PPP2R2C: variants seen among roughly 807,000 people sequenced by gnomAD.
The protein encoded by PPP2R2C is protein phosphatase 2 regulatory subunit Bgamma, also known as protein phosphatase 2, regulatory subunit B, gamma.
A neutral mutation model predicts 45.3 loss-of-function variants in PPP2R2C; 10 were observed. The observed-to-expected ratio is 0.22, with a 90% CI of 0.14 to 0.37. The LOEUF is 0.37. Among genes scored for constraint, PPP2R2C ranks in the 10% least tolerant of loss-of-function variants. The probability of loss-of-function intolerance (pLI) is 1.00; values close to 1 mark genes in which losing one functional copy is unlikely to be tolerated. For synonymous variants in PPP2R2C, 257 were observed against 245.4 expected (o/e 1.05, Z -0.44); for missense variants, 308 against 619.7 (o/e 0.50, Z 5.34).
chr4:6,521,591 G>A (rs1163835155), intron 2 of PPP2R2C, among the ~76,000 whole-genome samples: 1 of 152,140 alleles, frequency 6.6e-6, no homozygotes, highest in Non-Finnish European at 1.5e-5. Flanking sequence ...GTCGTCTCAG[G>A]AGCCCTAACC....
intron 1 of PPP2R2C, among the ~76,000 whole-genome samples, chr4:6,409,565 T>C (rs974067115): frequency 6.6e-6 from 1 of 152,162 alleles, no homozygotes; most frequent in African/African-American, 2.4e-5. Flanking sequence ...AGGCAGGCAC[T>C]GGGGACAGGT....
rs946967374 is a variant in PPP2R2C at position 6,563,309 on chromosome 4, G to T, written c.-59+251C>A. 6.6e-6 allele frequency among the ~76,000 whole-genome samples: 1 copy of T among 152,182 alleles called. No homozygotes were observed. Among genetic ancestry groups the T allele is most frequent in the Non-Finnish European group, 1.5e-5 (1 of 68,024 alleles). On this transcript the variant is annotated intron_variant, in intron 1 of 9. Transcript: ENST00000506140. The surrounding 1 kb of genome is among the most constrained non-coding windows in gnomAD (Gnocchi z 5.8). The stretch of plus-strand genomic sequence containing the variant: ...TCAAGACCCCGAGAGCACGCGCTCC[G>T]GAGGGACCCCGGCACTTCGGACCCT...
intron 1 of PPP2R2C, among the ~76,000 whole-genome samples, chr4:6,466,869 G>A (rs1045364774): frequency 2.0e-5 from 3 of 152,168 alleles, no homozygotes; most frequent in Non-Finnish European, 4.4e-5. Flanking sequence ...TTTAAGTTCG[G>A]GTTGATTAAA....
chr4:6,347,821 C>G (rs764209462), intron 6 of PPP2R2C, 25 bp downstream of exon 6: 1 of 1,584,834 alleles, frequency 6.3e-7, no homozygotes, highest in Admixed American at 1.8e-5. Context: ...TGCACAGCCC[C>G]CCACCCCCAG....
At chr4:6,482,603 T>G (rs1230183139) in intron 2 of PPP2R2C, among the ~76,000 whole-genome samples, 1 of 152,224 alleles carries the variant, frequency 6.6e-6, no homozygotes, top group Non-Finnish European at 1.5e-5. Context: ...GTCCAGCAAT[T>G]TTGTTGAACT....
At chr4:6,474,113 C>T (rs369273188), upstream of PPP2R2C, among the ~76,000 whole-genome samples, 947 of 129,456 alleles carry the variant, frequency 7.3e-3, 9 homozygotes, top group African/African-American at 0.027. Flanking sequence ...CTTTCTACCC[C>T]GTAGGAAAGT....
chr4:6,335,440 C>G (rs564606239), intron 6 of PPP2R2C, among the ~76,000 whole-genome samples: 5 of 152,148 alleles, frequency 3.3e-5, no homozygotes, highest in African/African-American at 1.2e-4. Context: ...CAGGGACACG[C>G]CAAGGGCCGT....
In PPP2R2C at chr4:6,478,534, G is replaced by A. The variant is rs1480818360; in HGVS notation, c.49+56737C>T. The stretch of plus-strand genomic sequence containing the variant: ...GAGTACAAATAACAGGGCCCTGTTC[G>A]ATGTGCTGAGTGAGTGAGAAACACG... On this transcript the variant is annotated intron_variant, in intron 2 of 9. Transcript: ENST00000506140. 2.0e-5 allele frequency among the ~76,000 whole-genome samples: 3 copies of A among 152,112 alleles called. No individual in the cohort carries two copies. In the East Asian group the frequency reaches 5.8e-4, roughly 29 times the overall value.
intron 1 of PPP2R2C, among the ~76,000 whole-genome samples, chr4:6,392,204 T>C (rs1040331631): frequency 1.3e-5 from 2 of 152,326 alleles, no homozygotes; most frequent in African/African-American, 4.8e-5. Flanking sequence ...TGGTAAATTC[T>C]ATGTCATGTA....
chr4:6,424,454 A>G (rs564525212), intron 1 of PPP2R2C, among the ~76,000 whole-genome samples: 1 of 152,328 alleles, frequency 6.6e-6, no homozygotes, highest in African/African-American at 2.4e-5. Flanking sequence ...GCCACCGGAC[A>G]CTGCTGAGCC....
At chr4:6,505,796 T>C (rs1723207277) in intron 2 of PPP2R2C, among the ~76,000 whole-genome samples, 1 of 152,078 alleles carries the variant, frequency 6.6e-6, no homozygotes, top group Non-Finnish European at 1.5e-5. Flanking sequence ...TGAAACCTTG[T>C]CTCTACTAAA....
intron 1 of PPP2R2C, among the ~76,000 whole-genome samples, chr4:6,553,057 C>G (rs907522146): frequency 5.3e-5 from 8 of 152,208 alleles, no homozygotes; most frequent in African/African-American, 1.2e-4. Context: ...CACATAGGGA[C>G]TAAGGGCAAG....
intron 1 of PPP2R2C, among the ~76,000 whole-genome samples, chr4:6,554,931 GA>G (rs1294173776): frequency 0.33 from 24,806 of 74,836 alleles, 2,855 homozygotes; most frequent in Non-Finnish European, 0.38. Context: ...AGGAAGGAAG[GA>G]AAGAAAGAAA....
chr4:6,444,542 C>T (rs1189390966), intron 1 of PPP2R2C, among the ~76,000 whole-genome samples: 1 of 152,158 alleles, frequency 6.6e-6, no homozygotes, highest in Non-Finnish European at 1.5e-5. Context: ...GTGTAAATCT[C>T]CCTGAGGTTT....
At chr4:6,395,792 G>T (rs1233423057) in intron 1 of PPP2R2C, among the ~76,000 whole-genome samples, 2 of 152,186 alleles carry the variant, frequency 1.3e-5, no homozygotes, top group Admixed American at 1.3e-4. Context: ...AGCTGTGGCT[G>T]ATCTCCTGAG....
At chr4:6,431,693 C>T (rs1000931429) in intron 1 of PPP2R2C, among the ~76,000 whole-genome samples, 4 of 152,168 alleles carry the variant, frequency 2.6e-5, no homozygotes, top group Non-Finnish European at 5.9e-5. Context: ...GTCCACACCT[C>T]GGGGCCTGCC....
At chr4:6,436,645 T>C (rs967912007) in intron 1 of PPP2R2C, among the ~76,000 whole-genome samples, 1 of 152,238 alleles carries the variant, frequency 6.6e-6, no homozygotes. Context: ...ATATGAGTCA[T>C]TGACATGAAC....
At chr4:6,552,070 G>A (rs1725201770) in intron 1 of PPP2R2C, among the ~76,000 whole-genome samples, 1 of 152,226 alleles carries the variant, frequency 6.6e-6, no homozygotes, top group Non-Finnish European at 1.5e-5. Flanking sequence ...TGCTGTGTGT[G>A]CTACACATCT....
At chr4:6,348,702 A>C (rs1467825081) in intron 5 of PPP2R2C, 1 of 985,240 alleles carries the variant, frequency 1.0e-6, no homozygotes, top group Non-Finnish European at 1.2e-6. Flanking sequence ...TGGTGTAGAA[A>C]GAAGGAGCTT....
Sources: allele counts gnomAD v4.1 joint callset (sites outside exome capture counted in the v4.1 genomes callset), GRCh38; gene constraint gnomAD v4.1.1; non-coding constraint Gnocchi (gnomAD v3.1); transcripts MANE v1.5; gene names NCBI Gene and HGNC (gene_info 2026-07-23, HGNC 2026-07-21).